SLC39A11: variants seen among roughly 807,000 people sequenced by gnomAD.
SLC39A11 encodes solute carrier family 39 member 11, also known as zinc transporter ZIP11.
In SLC39A11, 33 loss-of-function variants were observed where a neutral mutation model predicts 36.1. The observed-to-expected ratio is 0.91, with a 90% confidence interval of 0.69 to 1.22. The LOEUF (loss-of-function observed/expected upper bound fraction) is 1.22, where lower values mean the gene tolerates loss of function less well. Ranked by LOEUF, SLC39A11 falls within the 50% of genes most tolerant of loss-of-function variation. SLC39A11 has a pLI of 0.00. For synonymous variants in SLC39A11, 166 were observed against 170.3 expected, an observed-to-expected ratio of 0.97 and a Z score of 0.20; for missense variants, 432 against 430.3, an observed-to-expected ratio of 1.00 and a Z score of -0.03.
chr17:72,806,098 G>A (rs1246306320), intron 6 of SLC39A11, among the ~76,000 whole-genome samples: 4 of 152,100 alleles, frequency 2.6e-5, no homozygotes, highest in Admixed American at 6.5e-5. Flanking sequence ...GCTGGGAAAC[G>A]AAGAGAGACC....
intron 5 of SLC39A11, among the ~76,000 whole-genome samples, chr17:72,892,351 A>G (rs1345441602): frequency 6.6e-6 from 1 of 151,160 alleles, no homozygotes; most frequent in Non-Finnish European, 1.5e-5. Context: ...TGGAGGATAC[A>G]GTGAGCTGAG....
Position 72,813,497 on chromosome 17 carries a change from C to G in SLC39A11, c.601+36137G>C, listed in dbSNP as rs563697788. Among the ~76,000 whole-genome samples, 33 of 152,310 alleles carry G rather than the reference C, an allele frequency of 2.2e-4. No individual in the cohort carries two copies. In the South Asian group the frequency reaches 6.0e-3, roughly 28 times the overall value. The stretch of plus-strand genomic sequence containing the variant: ...TAAAATACCATGGTTCTTTATGAAG[C>G]TGAGCCTGAACTAAGGGCAAATACA... On this transcript the variant is annotated intron_variant, in intron 6 of 9. Coordinates refer to ENST00000255559, the MANE Select transcript of SLC39A11 (RefSeq NM_139177.4).
chr17:72,765,558 T>C (rs926815067), intron 6 of SLC39A11, among the ~76,000 whole-genome samples: 4 of 152,176 alleles, frequency 2.6e-5, no homozygotes, highest in Non-Finnish European at 5.9e-5. Context: ...CATTAGTTCA[T>C]CTATGGCTAT....
In SLC39A11 at chr17:72,666,134, C is replaced by T. The variant is rs534211013; in HGVS notation, c.672-16866G>A. On this transcript the variant is annotated intron_variant, in intron 7 of 9. Coordinates refer to ENST00000255559, the MANE Select transcript of SLC39A11 (RefSeq NM_139177.4). Reference sequence around the variant, plus strand: ...TGTAAAATAAGGAGGTTAAATTGGGCGACCCGTAAGTTCTTTTCCAGATCC... The same window carrying T: ...TGTAAAATAAGGAGGTTAAATTGGGTGACCCGTAAGTTCTTTTCCAGATCC... Among the ~76,000 whole-genome samples the T allele has an allele frequency of 5.3e-5, 8 of 152,228 alleles. No individual in the cohort carries two copies. The East Asian group carries it at 9.6e-4, about 18-fold the overall frequency.
chr17:72,996,415 T>C (rs1439881406), intron 4 of SLC39A11, among the ~76,000 whole-genome samples: 1 of 152,190 alleles, frequency 6.6e-6, no homozygotes, highest in African/African-American at 2.4e-5. Context: ...GACATAAATT[T>C]ATCCTCTAAG....
intron 7 of SLC39A11, among the ~76,000 whole-genome samples, chr17:72,677,879 C>T (rs1392867943): frequency 2.0e-5 from 3 of 152,190 alleles, no homozygotes; most frequent in Non-Finnish European, 4.4e-5. Flanking sequence ...AGGCTACCGA[C>T]GGCCTTTCCC....
intron 5 of SLC39A11, among the ~76,000 whole-genome samples, chr17:72,893,182 G>A (rs2146758832): frequency 6.6e-6 from 1 of 152,298 alleles, no homozygotes; most frequent in Non-Finnish European, 1.5e-5. Flanking sequence ...ATGGACCAGG[G>A]GCCGGGGCGG....
At chr17:73,070,348 G>C (rs2060126355) in intron 3 of SLC39A11, among the ~76,000 whole-genome samples, 1 of 152,122 alleles carries the variant, frequency 6.6e-6, no homozygotes, top group Admixed American at 6.5e-5. Flanking sequence ...CATAGACAGG[G>C]CTGCAGCTAG....
At chr17:72,769,647 T>G (rs958613857) in intron 6 of SLC39A11, among the ~76,000 whole-genome samples, 1 of 151,864 alleles carries the variant, frequency 6.6e-6, no homozygotes, top group Non-Finnish European at 1.5e-5. Flanking sequence ...TGGGTTCAAG[T>G]GATTCTCCTG....
At chr17:72,722,284 G>A (rs1294671388) in intron 7 of SLC39A11, among the ~76,000 whole-genome samples, 1 of 152,074 alleles carries the variant, frequency 6.6e-6, no homozygotes, top group African/African-American at 2.4e-5. Context: ...AAAGACAACA[G>A]GGAAGCAAAA....
chr17:72,884,308 C>T (rs141223737), intron 5 of SLC39A11, among the ~76,000 whole-genome samples: 4 of 152,366 alleles, frequency 2.6e-5, no homozygotes, highest in African/African-American at 9.6e-5. Flanking sequence ...CAGCCATTTG[C>T]AGGGCCAGTG....
At chr17:72,671,293 C>T (rs1002575153) in intron 7 of SLC39A11, among the ~76,000 whole-genome samples, 2 of 152,180 alleles carry the variant, frequency 1.3e-5, no homozygotes, top group Non-Finnish European at 1.5e-5. Context: ...TAAAAGCTTC[C>T]CCTTACCCTC....
chr17:72,993,928 T>C (rs1051717447), intron 4 of SLC39A11, among the ~76,000 whole-genome samples: 9 of 152,174 alleles, frequency 5.9e-5, no homozygotes, highest in African/African-American at 2.2e-4. Context: ...CCACATGTCC[T>C]GGGAGGGACC....
intron 7 of SLC39A11, among the ~76,000 whole-genome samples, chr17:72,677,567 T>G (rs1341961063): frequency 7.4e-6 from 1 of 134,862 alleles, no homozygotes; most frequent in Non-Finnish European, 1.6e-5. Flanking sequence ...GGCATGTTTT[T>G]AACATCAGGG....
At chr17:72,697,475 G>T (rs763304183) in intron 7 of SLC39A11, among the ~76,000 whole-genome samples, 2 of 152,136 alleles carry the variant, frequency 1.3e-5, no homozygotes, top group Admixed American at 6.5e-5. Context: ...AGGGACAGAG[G>T]GTGGAGGCTC....
chr17:72,876,569 C>G (rs754688011), intron 5 of SLC39A11, among the ~76,000 whole-genome samples: 27 of 152,244 alleles, frequency 1.8e-4, no homozygotes, highest in Middle Eastern at 6.8e-3. Flanking sequence ...GAAAACCAAC[C>G]ACCTAGTGCC....
At chr17:72,886,980 G>A (rs1170804021) in intron 5 of SLC39A11, among the ~76,000 whole-genome samples, 2 of 152,292 alleles carry the variant, frequency 1.3e-5, no homozygotes, top group Non-Finnish European at 2.9e-5. Flanking sequence ...TTCCCTGACT[G>A]CCTGATCTAA....
chr17:73,061,149 C>G (rs539545961), intron 3 of SLC39A11, among the ~76,000 whole-genome samples: 33 of 152,142 alleles, frequency 2.2e-4, no homozygotes, highest in Non-Finnish European at 4.0e-4. Context: ...ATCCCAAGGT[C>G]AGGAGTTCGA....
chr17:72,725,386 A>G (rs2073883578), intron 7 of SLC39A11: 1 of 152,260 alleles, frequency 6.6e-6, no homozygotes, highest in Admixed American at 6.5e-5. Context: ...TAAGACAATA[A>G]CGAGCTTTAT....
Sources: allele counts gnomAD v4.1 joint callset (sites outside exome capture counted in the v4.1 genomes callset), GRCh38; gene constraint gnomAD v4.1.1; transcripts MANE v1.5; gene names NCBI Gene and HGNC (gene_info 2026-07-23, HGNC 2026-07-21).